CADM2: variants seen among roughly 807,000 people sequenced by gnomAD.
The protein encoded by CADM2 is immunoglobulin superfamily member 4D.
CADM2 carries 12 observed loss-of-function variants against 49.8 expected under a neutral mutation model. The ratio of observed to expected loss-of-function variants is 0.24; its 90% CI spans 0.15 to 0.39. The LOEUF is 0.39. Among genes scored for constraint, CADM2 ranks in the 10% least tolerant of loss-of-function variants. The pLI is 1.00. For synonymous variants in CADM2, 214 were observed against 175.4 expected (o/e 1.22, Z -1.74); for missense variants, 378 against 492.3 (o/e 0.77, Z 2.20).
At chr3:85,756,385 A>G (rs2107882653) in intron 2 of CADM2, among the ~76,000 whole-genome samples, 1 of 152,310 alleles carries the variant, frequency 6.6e-6, no homozygotes, top group South Asian at 2.1e-4. Context: ...TATTGAATCC[A>G]GATTGCTCCA....
chr3:85,787,429 G>T (rs112834419), intron 2 of CADM2, among the ~76,000 whole-genome samples: 28 of 152,118 alleles, frequency 1.8e-4, no homozygotes, highest in African/African-American at 6.7e-4. Flanking sequence ...CATCTTCAAG[G>T]TTAAAAATGC....
intron 3 of CADM2, among the ~76,000 whole-genome samples, chr3:85,871,399 A>T (rs2075921926): frequency 6.6e-6 from 1 of 152,136 alleles, no homozygotes; most frequent in African/African-American, 2.4e-5. Flanking sequence ...TTTCTAACAG[A>T]TTGAATATGA....
chr3:85,582,971 A>G (rs1343554550), intron 1 of CADM2, among the ~76,000 whole-genome samples: 2 of 152,134 alleles, frequency 1.3e-5, no homozygotes, highest in East Asian at 3.9e-4. Context: ...CTACCCCAAA[A>G]AAGAAAAAAG....
intron 7 of CADM2, among the ~76,000 whole-genome samples, chr3:85,940,896 T>G (rs574671926): frequency 6.6e-6 from 1 of 151,772 alleles, no homozygotes. Context: ...CAAAATTGAG[T>G]GGAAAGTACA....
At chr3:85,780,700 A>G (rs1240446192) in intron 2 of CADM2, among the ~76,000 whole-genome samples, 1 of 152,086 alleles carries the variant, frequency 6.6e-6, no homozygotes, top group African/African-American at 2.4e-5. Flanking sequence ...TTCCTGCAAC[A>G]TTTGAGCTGT....
At chr3:85,423,748 T>A (rs1368834105) in intron 1 of CADM2, among the ~76,000 whole-genome samples, 1 of 152,190 alleles carries the variant, frequency 6.6e-6, no homozygotes, top group Non-Finnish European at 1.5e-5. Context: ...CACGTCTCAT[T>A]GCTATGCATT....
intron 8 of CADM2, chr3:86,012,619 C>T: frequency 6.3e-7 from 1 of 1,582,496 alleles, no homozygotes; most frequent in Non-Finnish European, 8.6e-7. Context: ...CCGACCTGGC[C>T]TTCTTCAGGT....
intron 1 of CADM2, among the ~76,000 whole-genome samples, chr3:85,481,524 C>A (rs758854748): frequency 4.6e-5 from 7 of 151,604 alleles, no homozygotes; most frequent in Non-Finnish European, 1.0e-4. Context: ...GGAATGATTT[C>A]ATTAACAAGT....
intron 3 of CADM2, among the ~76,000 whole-genome samples, chr3:85,866,787 ACTCT>A (rs1256899473): frequency 2.6e-5 from 4 of 151,894 alleles, no homozygotes; most frequent in African/African-American, 4.8e-5. Flanking sequence ...TGACTGCCCT[ACTCT>A]CTCTCTATCT....
chr3:85,502,870 G>A (rs965201124), intron 1 of CADM2, among the ~76,000 whole-genome samples: 4 of 152,026 alleles, frequency 2.6e-5, no homozygotes, highest in African/African-American at 9.7e-5. Context: ...TCAACAGAAA[G>A]TATTTCTTCT....
At chr3:85,112,395 A>T (rs1157617197) in intron 1 of CADM2, among the ~76,000 whole-genome samples, 2 of 151,518 alleles carry the variant, frequency 1.3e-5, no homozygotes, top group Non-Finnish European at 1.5e-5. Flanking sequence ...TATAAAGTGA[A>T]GTTAAAGTAC....
intron 1 of CADM2, among the ~76,000 whole-genome samples, chr3:85,232,705 A>G (rs1457533420): frequency 6.6e-6 from 1 of 152,184 alleles, no homozygotes; most frequent in East Asian, 1.9e-4. Flanking sequence ...GCAAATTGAA[A>G]CAGCAATGAG....
At chr3:85,729,841 C>G (rs2067856496) in intron 2 of CADM2, among the ~76,000 whole-genome samples, 1 of 151,992 alleles carries the variant, frequency 6.6e-6, no homozygotes, top group Non-Finnish European at 1.5e-5. Context: ...TTTTCATTGA[C>G]TTTGTTACAC....
At chr3:85,563,864 G>T (rs1180592054) in intron 1 of CADM2, among the ~76,000 whole-genome samples, 6 of 152,180 alleles carry the variant, frequency 3.9e-5, no homozygotes, top group Non-Finnish European at 8.8e-5. Flanking sequence ...TCCCTGATTG[G>T]TATAAACAAG....
chr3:85,332,655 A>T (rs1241151444), intron 1 of CADM2, among the ~76,000 whole-genome samples: 4 of 152,022 alleles, frequency 2.6e-5, no homozygotes, highest in Admixed American at 6.6e-5. Flanking sequence ...CTTCCAAAAT[A>T]TCTAAAATTC....
intron 2 of CADM2, among the ~76,000 whole-genome samples, chr3:85,799,579 A>T (rs918386118): frequency 3.3e-5 from 5 of 152,138 alleles, no homozygotes; most frequent in African/African-American, 1.2e-4. Flanking sequence ...ACATTTATTG[A>T]TTTGAGTATG....
At chr3:85,814,038 A>G (rs1276023077) in intron 3 of CADM2, among the ~76,000 whole-genome samples, 1 of 152,140 alleles carries the variant, frequency 6.6e-6, no homozygotes, top group Non-Finnish European at 1.5e-5. Flanking sequence ...TTTTGGTTCC[A>G]TATGAAGTTT....
intron 1 of CADM2, among the ~76,000 whole-genome samples, chr3:85,307,893 A>G (rs1420256485): frequency 6.6e-6 from 1 of 151,512 alleles, no homozygotes; most frequent in Non-Finnish European, 1.5e-5. Flanking sequence ...AAATGAAGAT[A>G]TTAAAATAGG....
At chr3:85,342,215 C>T (rs1344772217) in intron 1 of CADM2, among the ~76,000 whole-genome samples, 1 of 151,974 alleles carries the variant, frequency 6.6e-6, no homozygotes, top group East Asian at 1.9e-4. Context: ...TATGAACAGA[C>T]ACTTCTCAAA....
Sources: allele counts gnomAD v4.1 joint callset (sites outside exome capture counted in the v4.1 genomes callset), GRCh38; gene constraint gnomAD v4.1.1; transcripts MANE v1.5; gene names NCBI Gene and HGNC (gene_info 2026-07-23, HGNC 2026-07-21).